Variants in ZNF670 observed in about 807,000 individuals in gnomAD.
ZNF670 encodes the protein zinc finger protein 670.
Under a neutral mutation model 10.9 loss-of-function variants are expected in ZNF670, and 7 were observed. The ratio of observed to expected loss-of-function variants is 0.64; its 90% CI spans 0.36 to 1.20. ZNF670 has a LOEUF of 1.20. Ranked by LOEUF, ZNF670 falls within the 50% of genes most tolerant of loss-of-function variation. The probability of loss-of-function intolerance (pLI) is 0.02; values close to 1 mark genes in which losing one functional copy is unlikely to be tolerated. For synonymous variants in ZNF670, 136 were observed against 152.7 expected (o/e 0.89, Z 0.81); for missense variants, 446 against 458.6 (o/e 0.97, Z 0.25).
intron 1 of ZNF670, among the ~76,000 whole-genome samples, chr1:247,053,590 C>T (rs1196234865): frequency 1.3e-5 from 2 of 152,146 alleles, no homozygotes; most frequent in East Asian, 1.9e-4. Context: ...GAGCCGAGAT[C>T]GTGCCACTGC....
chr1:247,076,658 C>CTTTTTTTTTTTTT (rs553387815), intron 1 of ZNF670, among the ~76,000 whole-genome samples: 1 of 139,884 alleles, frequency 7.1e-6, no homozygotes. Flanking sequence ...AATAAACTCT[C>CTTTTTTTTTTTTT]TTTTTTTTTT....
At position 247,037,421 on chromosome 1, in the gene ZNF670, G is replaced by T; in HGVS notation, c.*28C>A. ...AAAGCTTTAACACACTTCTTACATTGACAGAGGTGTTTTGTTGTTGTTGTT... is the reference window on the plus strand; with the variant it reads ...AAAGCTTTAACACACTTCTTACATTTACAGAGGTGTTTTGTTGTTGTTGTT... On this transcript the variant is annotated 3_prime_UTR_variant, in exon 4 of 4. Coordinates refer to ENST00000366503, the MANE Select transcript of ZNF670 (RefSeq NM_033213.5). The T allele has an allele frequency of 6.4e-7, 1 of 1,558,838 alleles. No individual in the cohort carries two copies. Among genetic ancestry groups the T allele is most frequent in the South Asian group, 1.2e-5 (1 of 80,834 alleles).
At chr1:247,068,284 CCAG>C (rs57053301) in intron 1 of ZNF670, among the ~76,000 whole-genome samples, 30,400 of 129,708 alleles carry the variant, frequency 0.23, 4,529 homozygotes, top group African/African-American at 0.41. Context: ...CCACTGTACT[CCAG>C]CAGCCTAGGT....
intron 1 of ZNF670, among the ~76,000 whole-genome samples, chr1:247,076,865 T>G (rs1023282567): frequency 6.6e-6 from 1 of 152,186 alleles, no homozygotes; most frequent in African/African-American, 2.4e-5. Context: ...TTTGCCATAC[T>G]GGCAAGGCTG....
At position 247,068,382 on chromosome 1, in the gene ZNF670, C is replaced by T. The variant is rs1671042113; in HGVS notation, c.3+10212G>A. Reference sequence around the variant, plus strand: ...TAGACAGTTCTCAAAAGAAGACACACAAATGGAAAACAGGCATATGAAAAG... The same window carrying T: ...TAGACAGTTCTCAAAAGAAGACACATAAATGGAAAACAGGCATATGAAAAG... On this transcript the variant is annotated intron_variant, in intron 1 of 3. Coordinates refer to ENST00000366503, the MANE Select transcript of ZNF670 (RefSeq NM_033213.5). Among the ~76,000 whole-genome samples, 2 of 140,442 alleles carry T rather than the reference C, an allele frequency of 1.4e-5. 1 individual carries two copies. The highest frequency in any genetic ancestry group is 5.7e-5 in the African/African-American group (2 of 35,160). 92.1% of individuals were successfully genotyped at this position (140,442 alleles called of 152,430 possible). A position where few individuals can be genotyped will look rare whatever the true frequency, so the allele number is the denominator to read the frequency against.
chr1:247,072,802 G>GTGTATATATATATA (rs1671157964), intron 1 of ZNF670, among the ~76,000 whole-genome samples: 2 of 21,798 alleles, frequency 9.2e-5, no homozygotes, highest in Admixed American at 7.7e-4. Context: ...AAAAAAGTGT[G>GTGTATATATATATA]TGTATATATA....
chr1:247,049,253 ATGCCCAGCTAATTTT>A (rs1318760060), intron 1 of ZNF670, among the ~76,000 whole-genome samples: 2 of 152,118 alleles, frequency 1.3e-5, no homozygotes, highest in East Asian at 3.9e-4. Context: ...ATGTGTCACC[ATGCCCAGCTAATTTT>A]TGTATTTTTA....
At chr1:247,067,400 C>T (rs933569263) in intron 1 of ZNF670, among the ~76,000 whole-genome samples, 11 of 143,370 alleles carry the variant, frequency 7.7e-5, no homozygotes, top group African/African-American at 2.9e-4. Context: ...CATGCCATTG[C>T]ACTCCAGCCT....
At chr1:247,051,699 A>T (rs1043235508) in intron 1 of ZNF670, among the ~76,000 whole-genome samples, 1 of 152,128 alleles carries the variant, frequency 6.6e-6, no homozygotes, top group African/African-American at 2.4e-5. Flanking sequence ...TATTTCCTCA[A>T]ATAAGAATTC....
At chr1:247,061,169 G>A (rs1670847418) in intron 1 of ZNF670, among the ~76,000 whole-genome samples, 1 of 149,192 alleles carries the variant, frequency 6.7e-6, no homozygotes, top group African/African-American at 2.5e-5. Flanking sequence ...ACACTGTCAA[G>A]CTGTTAAAAG....
At chr1:247,051,752 T>C (rs1573897) in intron 1 of ZNF670, among the ~76,000 whole-genome samples, 53,521 of 151,334 alleles carry the variant, frequency 0.35, 10,932 homozygotes, top group African/African-American at 0.55. Flanking sequence ...GACCTATTAT[T>C]GCTAGGTTCA....
chr1:247,045,525 C>T (rs1291784958), intron 1 of ZNF670, among the ~76,000 whole-genome samples: 2 of 152,286 alleles, frequency 1.3e-5, no homozygotes, highest in South Asian at 2.1e-4. Flanking sequence ...CTCTGCCTTC[C>T]GTCTGAGGCA....
In ZNF670 at chr1:247,037,694, AG is replaced by A. The variant is rs779034323; in HGVS notation, c.924del (p.Tyr309MetfsTer26). The A allele has an allele frequency of 1.1e-5, 17 of 1,613,900 alleles. No homozygotes were observed. Among genetic ancestry groups the A allele is most frequent in the African/African-American group, 1.3e-5 (1 of 74,924 alleles). ...GCTTTACCACATTGTTTACATTCAT[AG>A]GGCTTTTCTCCACTGTGAGTCCTTT... ...VHERTHSGEK[P>X]YECKQCGKAF... On this transcript the variant is annotated frameshift_variant, in exon 4 of 4. Transcript: ENST00000366503. LOFTEE classifies it low-confidence loss of function (END_TRUNC).
chr1:247,055,189 C>T (rs12130075), intron 1 of ZNF670, among the ~76,000 whole-genome samples: 49,655 of 152,190 alleles, frequency 0.33, 8,930 homozygotes, highest in African/African-American at 0.46. Flanking sequence ...GTATAACCAG[C>T]GGGCTTCCAG....
chr1:247,078,117 C>A (rs1043740867), intron 1 of ZNF670, among the ~76,000 whole-genome samples: 1 of 152,172 alleles, frequency 6.6e-6, no homozygotes, highest in Admixed American at 6.5e-5. Flanking sequence ...GGGTTCCTTA[C>A]AAAAAACCCT....
intron 1 of ZNF670, among the ~76,000 whole-genome samples, chr1:247,073,223 T>C (rs1671179310): frequency 1.3e-5 from 2 of 152,224 alleles, no homozygotes; most frequent in East Asian, 3.9e-4. Flanking sequence ...AAAATCAAAA[T>C]CTCACATTCA....
chr1:247,075,209 G>C (rs553342778), intron 1 of ZNF670, among the ~76,000 whole-genome samples: 2 of 152,186 alleles, frequency 1.3e-5, no homozygotes, highest in Admixed American at 1.3e-4. Context: ...ATCATCTCCA[G>C]GAGTTGCCAA....
intron 2 of ZNF670, among the ~76,000 whole-genome samples, chr1:247,039,191 T>A (rs1670246374): frequency 6.6e-6 from 1 of 151,950 alleles, no homozygotes; most frequent in Non-Finnish European, 1.5e-5. Flanking sequence ...CCCAAGTAGC[T>A]GGGATTACAG....
At chr1:247,047,669 A>T (rs927891101) in intron 1 of ZNF670, among the ~76,000 whole-genome samples, 4 of 152,196 alleles carry the variant, frequency 2.6e-5, no homozygotes, top group Non-Finnish European at 5.9e-5. Context: ...ACGTCCGGGC[A>T]TTTCCACACA....
Sources: allele counts gnomAD v4.1 joint callset (sites outside exome capture counted in the v4.1 genomes callset), GRCh38; gene constraint gnomAD v4.1.1; transcripts MANE v1.5; gene names NCBI Gene and HGNC (gene_info 2026-07-23, HGNC 2026-07-21).